GNB5: variants seen among roughly 807,000 people sequenced by gnomAD.
GNB5 encodes guanine nucleotide-binding protein subunit beta-5.
GNB5 carries 37 observed loss-of-function variants against 55.3 expected under a neutral mutation model. The ratio of observed to expected loss-of-function variants is 0.67; its 90% CI spans 0.51 to 0.88. GNB5 has a LOEUF of 0.88. GNB5 is among the 40% of genes least tolerant of loss of function. GNB5 has a pLI of 0.00. For missense variants in GNB5, 476 were observed against 515.3 expected (o/e 0.92, Z 0.74); for synonymous variants, 219 against 198.5 (o/e 1.10, Z -0.87).
intron 11 of GNB5, 75 bp downstream of exon 11, chr15:52,125,873 A>G (rs1194219901): frequency 4.3e-6 from 3 of 695,816 alleles, no homozygotes; most frequent in Admixed American, 2.2e-5. Context: ...AAAGGAACTG[A>G]GCGATGATGG....
At chr15:52,184,448 A>AGT in intron 2 of GNB5, 103 bp downstream of exon 2, 1 of 978,348 alleles carries the variant, frequency 1.0e-6, no homozygotes, top group Non-Finnish European at 1.6e-6. Context: ...CATACTGAAA[A>AGT]GTGTGTGTTA....
rs978667503 is a variant in GNB5 at position 52,122,511 on chromosome 15, A to G, written c.*246T>C. On this transcript the variant is annotated 3_prime_UTR_variant, in exon 13 of 13. Coordinates refer to ENST00000261837, the MANE Select transcript of GNB5 (RefSeq NM_016194.4). ...ATAACCTTAAAAACAGATACATTTTAAAAAGTGTTCCAAAAGAAAAATACT... is the reference window on the plus strand; with the variant it reads ...ATAACCTTAAAAACAGATACATTTTGAAAAGTGTTCCAAAAGAAAAATACT... The G allele has an allele frequency of 6.3e-6, 3 of 477,160 alleles. No homozygotes were observed. The highest frequency in any genetic ancestry group is 1.9e-5 in the African/African-American group (1 of 51,298). 29.6% of individuals were successfully genotyped at this position (477,160 alleles called of 1,614,324 possible).
At position 52,184,684 on chromosome 15, in the gene GNB5, C is replaced by T; in HGVS notation, c.-8G>A. ...AAAGGTCTGATCACACATCTTTTAC[C>T]CAAGATAAAGCTGAAAAAAAGTGAA... On this transcript the variant is annotated 5_prime_UTR_variant, in exon 2 of 13. Coordinates refer to ENST00000261837, the MANE Select transcript of GNB5 (RefSeq NM_016194.4). 1.2e-6 allele frequency: 2 copies of T among 1,610,762 alleles called. No individual in the cohort carries two copies. Among genetic ancestry groups the T allele is most frequent in the South Asian group, 2.2e-5 (2 of 90,576 alleles).
chr15:52,160,701 T>C (rs2034314551), intron 3 of GNB5, among the ~76,000 whole-genome samples: 1 of 152,194 alleles, frequency 6.6e-6, no homozygotes, highest in Admixed American at 6.5e-5. Context: ...CAGCCTTTCC[T>C]CCACATATGT....
chr15:52,176,454 A>T (rs2034652102), intron 3 of GNB5, among the ~76,000 whole-genome samples: 1 of 152,224 alleles, frequency 6.6e-6, no homozygotes, highest in Admixed American at 6.5e-5. Context: ...TTCCACAAGT[A>T]AAACTCATCA....
intron 3 of GNB5, 64 bp downstream of exon 3, chr15:52,179,704 G>A: frequency 2.5e-6 from 1 of 396,862 alleles, no homozygotes; most frequent in Non-Finnish European, 4.1e-6. Flanking sequence ...CGCCCCCGCC[G>A]TCCCCGCCCG....
At chr15:52,188,729 A>G (rs1384196631) in intron 1 of GNB5, among the ~76,000 whole-genome samples, 1 of 152,224 alleles carries the variant, frequency 6.6e-6, no homozygotes, top group Non-Finnish European at 1.5e-5. Flanking sequence ...GCCAAGCACA[A>G]ACTTTCTTTG....
chr15:52,124,005 C>CAAA (rs56008657), intron 12 of GNB5, among the ~76,000 whole-genome samples: 25 of 84,362 alleles, frequency 3.0e-4, no homozygotes, highest in African/African-American at 8.4e-4. Context: ...ATAGAAAAAC[C>CAAA]AAAAAAAAAA....
intron 1 of GNB5, among the ~76,000 whole-genome samples, chr15:52,188,193 A>AT (rs1293788077): frequency 6.6e-6 from 1 of 152,122 alleles, no homozygotes; most frequent in Non-Finnish European, 1.5e-5. Context: ...GGAAAACACC[A>AT]TTTTTTAACG....
rs554152074 is a variant in GNB5 at position 52,143,442 on chromosome 15, G to C, written c.495-2170C>G. 8.5e-5 allele frequency among the ~76,000 whole-genome samples: 13 copies of C among 152,344 alleles called. No homozygotes were observed. The South Asian group carries it at 2.5e-3, about 29-fold the overall frequency. ...GTTACGTATTCATCTTTGAATTCCA[G>C]TATGACACCTGGCCCAGTGCCTTGC... On this transcript the variant is annotated intron_variant, in intron 6 of 12. Coordinates refer to ENST00000261837, the MANE Select transcript of GNB5 (RefSeq NM_016194.4).
At chr15:52,147,161 GTTTT>G (rs1422584559) in intron 6 of GNB5, 6 of 248,890 alleles carry the variant, frequency 2.4e-5, no homozygotes, top group Non-Finnish European at 4.6e-5. Context: ...GAGTTTTATG[GTTTT>G]GTTTTTTTTT....
chr15:52,169,553 A>T (rs1232642321), intron 3 of GNB5, among the ~76,000 whole-genome samples: 1 of 150,048 alleles, frequency 6.7e-6, no homozygotes, highest in Admixed American at 6.6e-5. Context: ...AAAAAAAAAA[A>T]AAAAAAAAAA....
chr15:52,165,823 G>T (rs1399402161), intron 3 of GNB5, among the ~76,000 whole-genome samples: 3 of 152,108 alleles, frequency 2.0e-5, no homozygotes, highest in Non-Finnish European at 4.4e-5. Context: ...ATGATGACAG[G>T]ATCAAATTCA....
intron 9 of GNB5, among the ~76,000 whole-genome samples, chr15:52,130,143 G>A (rs746595028): frequency 1.5e-4 from 23 of 152,220 alleles, no homozygotes; most frequent in African/African-American, 5.3e-4. Context: ...ATGAGCTATC[G>A]TAGCAGCTCA....
rs754658 is a variant in GNB5, at chr15:52,184,490, A to C, written c.126+61T>G. 5,495 of 1,465,686 alleles carry C rather than the reference A, an allele frequency of 3.7e-3. 124 individuals carry two copies. The Admixed American group carries it at 0.042, about 11-fold the overall frequency. The allele number at this position is 1,465,686 out of a possible 1,614,324, so 90.8% of individuals were successfully genotyped here. On this transcript the variant is annotated intron_variant, in intron 2 of 12. Coordinates refer to ENST00000261837, the MANE Select transcript of GNB5 (RefSeq NM_016194.4). ...CTGATTCTATGGCATCTCATCTGTC[A>C]CAGGACCCTCGCTTGACTGTTTTAA...
intron 1 of GNB5, 70 bp from the exon 2 acceptor site, chr15:52,184,764 C>T: frequency 2.3e-6 from 3 of 1,302,930 alleles, no homozygotes; most frequent in South Asian, 2.6e-5. Flanking sequence ...AAAATCTCTT[C>T]TTGCTTGTAC....
At chr15:52,190,181 A>G (rs2034900636) in intron 1 of GNB5, among the ~76,000 whole-genome samples, 1 of 150,836 alleles carries the variant, frequency 6.6e-6, no homozygotes, top group African/African-American at 2.4e-5. Flanking sequence ...GCAGTGGCGC[A>G]ATCTCGGCTC....
chr15:52,134,748 C>T (rs937933411), intron 8 of GNB5, among the ~76,000 whole-genome samples: 2 of 152,132 alleles, frequency 1.3e-5, no homozygotes, highest in African/African-American at 4.8e-5. Flanking sequence ...GCAGAAGTCA[C>T]CTGACAGTGT....
chr15:52,123,391 GCCC>G (rs746974549), intron 12 of GNB5, among the ~76,000 whole-genome samples: 1 of 149,952 alleles, frequency 6.7e-6, no homozygotes, highest in Non-Finnish European at 1.5e-5. Context: ...CTAATTAAGT[GCCC>G]CCCAACAAAG....
Sources: allele counts gnomAD v4.1 joint callset (sites outside exome capture counted in the v4.1 genomes callset), GRCh38; gene constraint gnomAD v4.1.1; transcripts MANE v1.5; gene names NCBI Gene and HGNC (gene_info 2026-07-23, HGNC 2026-07-21).